Variants in ARRB1 observed in about 807,000 individuals in gnomAD.
ARRB1 encodes the protein arrestin beta 1.
In ARRB1, 21 loss-of-function variants were observed where a neutral mutation model predicts 56.8. That is an observed-to-expected ratio of 0.37 (90% confidence interval 0.26 to 0.53). The LOEUF (loss-of-function observed/expected upper bound fraction) is 0.53. ARRB1 is among the 20% of genes least tolerant of loss of function. ARRB1 has a pLI of 0.88. For missense variants in ARRB1, 424 were observed against 553.7 expected (o/e 0.77, Z 2.35); for synonymous variants, 210 against 218.6 (o/e 0.96, Z 0.35).
intron 1 of ARRB1, among the ~76,000 whole-genome samples, chr11:75,347,753 C>T (rs931092155): frequency 2.6e-5 from 4 of 152,186 alleles, no homozygotes; most frequent in African/African-American, 9.6e-5. Context: ...ACAACAATGA[C>T]TACACTACTA....
In ARRB1 at chr11:75,266,161, G is replaced by A. The variant is rs370152216; in HGVS notation, c.*2C>T. The A allele has an allele frequency of 3.7e-5, 59 of 1,613,346 alleles. No homozygotes were observed. Among genetic ancestry groups the A allele is most frequent in the Middle Eastern group, 1.7e-4 (1 of 6,052 alleles). ...AGCCACGTGGAGGCAGGGCCGGCCC[G>A]TCTATCTGTTGTTGAGCTGTGGAGA... On this transcript the variant is annotated 3_prime_UTR_variant, in exon 16 of 16. Transcript: ENST00000420843.
At position 75,275,840 on chromosome 11, in the gene ARRB1, C is replaced by T. The variant is rs531571832; in HGVS notation, c.776+999G>A. 6.6e-5 allele frequency among the ~76,000 whole-genome samples: 10 copies of T among 152,344 alleles called. No homozygotes were observed. The South Asian group carries it at 2.1e-3, about 32-fold the overall frequency. ...TGAGTGCAAATGCCTCCCCAGCCAT[C>T]CCTGCTGGTATTCGTTATGCAGACG... On this transcript the variant is annotated intron_variant, in intron 10 of 15. Transcript: ENST00000420843.
intron 1 of ARRB1, among the ~76,000 whole-genome samples, chr11:75,324,480 A>G (rs749645543): frequency 3.9e-5 from 6 of 152,166 alleles, no homozygotes; most frequent in Non-Finnish European, 8.8e-5. Context: ...GGTTCAGAAC[A>G]GGGCCTGGCA....
chr11:75,274,423 A>T (rs1946146530), intron 10 of ARRB1: 1 of 572,196 alleles, frequency 1.7e-6, no homozygotes, highest in Non-Finnish European at 3.1e-6. Flanking sequence ...CTACGCACAA[A>T]CAGGACTGAA....
In ARRB1 at chr11:75,298,295, T is replaced by TTATC. The variant is rs1203092910; in HGVS notation, c.21-8260_21-8257dup. On this transcript the variant is annotated intron_variant, in intron 1 of 15. Coordinates refer to ENST00000420843, the MANE Select transcript of ARRB1 (RefSeq NM_004041.5). ...AATGGAGCAAATATTTTCAAATCAT[T>TTATC]TATCTGATCAGGTCCTAATAGCCAG... 2.0e-5 allele frequency among the ~76,000 whole-genome samples: 3 copies of TTATC among 151,806 alleles called. No individual in the cohort carries two copies. In the East Asian group the frequency reaches 5.8e-4, roughly 29 times the overall value.
At position 75,278,695 on chromosome 11, in the gene ARRB1, G is replaced by T; in HGVS notation, c.532C>A (p.Pro178Thr). 3 of 1,614,118 alleles carry T rather than the reference G, an allele frequency of 1.9e-6. No homozygotes were observed. The highest frequency in any genetic ancestry group is 2.5e-6 in the Non-Finnish European group (3 of 1,179,964). Residue 178 changes from proline (P) to threonine (T), a missense_variant, in exon 8 of 16, where the codon CCT becomes ACT. By Grantham distance (38) the Pro-to-Thr change is conservative. Coordinates refer to ENST00000420843, the MANE Select transcript of ARRB1 (RefSeq NM_004041.5). ...GTCTCGGCTGTGGGCTGGGGGCCAG[G>T]CCTCTCTGGGGCATACTGAACCTTC... ...IRKVQYAPER[P>T]GPQPTAETTR...
chr11:75,331,444 C>T (rs1947517624), intron 1 of ARRB1, among the ~76,000 whole-genome samples: 1 of 152,156 alleles, frequency 6.6e-6, no homozygotes, highest in Non-Finnish European at 1.5e-5. Context: ...GTGACCTGCA[C>T]GTATACATCC....
At chr11:75,326,719 ACT>A (rs1482165239) in intron 1 of ARRB1, among the ~76,000 whole-genome samples, 1 of 129,798 alleles carries the variant, frequency 7.7e-6, no homozygotes, top group African/African-American at 3.1e-5. Flanking sequence ...TTTTAAAATT[ACT>A]GTCTTTTTTT....
intron 1 of ARRB1, among the ~76,000 whole-genome samples, chr11:75,302,073 C>T (rs1038060272): frequency 6.6e-6 from 1 of 152,212 alleles, no homozygotes; most frequent in Non-Finnish European, 1.5e-5. Flanking sequence ...CAGAGTCAGA[C>T]TGGGATGGGG....
rs186835182 is a variant in ARRB1, at chr11:75,302,913, A to C, written c.21-12874T>G. On this transcript the variant is annotated intron_variant, in intron 1 of 15. Transcript: ENST00000420843. ...AGATGGTCATGTTACTCCTGCTGGG[A>C]CAGGGAAATGTTTAAACTGTCTGTC... is the stretch of plus-strand genomic sequence containing the variant. 5.5e-3 allele frequency among the ~76,000 whole-genome samples: 844 copies of C among 152,106 alleles called. 8 individuals carry two copies. The highest frequency in any genetic ancestry group is 0.019 in the African/African-American group (808 of 41,480).
In ARRB1 at chr11:75,272,449, C is replaced by A. The variant is rs116099324; in HGVS notation, c.998+446G>T. Among the ~76,000 whole-genome samples, 1,367 of 152,280 alleles carry A rather than the reference C, an allele frequency of 9.0e-3. 20 individuals carry two copies. Among genetic ancestry groups the A allele is most frequent in the African/African-American group, 0.029 (1,194 of 41,540 alleles). On this transcript the variant is annotated intron_variant, in intron 12 of 15. Transcript: ENST00000420843. ...TCTGTAAAATGGGAAAGCTGACTAG[C>A]AAATCCCCAATCCAGCTCTGGGTTC...
In ARRB1 at chr11:75,286,255, C is replaced by CTT. The variant is rs60988072; in HGVS notation, c.112+1058_112+1059dup. Among the ~76,000 whole-genome samples, 266 of 38,734 alleles carry CTT rather than the reference C, an allele frequency of 6.9e-3. 38 individuals are homozygous for CTT. The highest frequency in any genetic ancestry group is 0.027 in the African/African-American group (247 of 9,280). The allele number at this position is 38,734 out of a possible 152,430, so 25.4% of individuals were successfully genotyped here. A position where few individuals can be genotyped will look rare whatever the true frequency, so the allele number is the denominator to read the frequency against. Reference sequence around the variant, plus strand: ...CTAGGCCTCACTTTGATTTGCTCATCTTTTTTTTTTTTTTTTTTTTTTTTT... The same window carrying CTT: ...CTAGGCCTCACTTTGATTTGCTCATCTTTTTTTTTTTTTTTTTTTTTTTTTTT... On this transcript the variant is annotated intron_variant, in intron 3 of 15. Coordinates refer to ENST00000420843, the MANE Select transcript of ARRB1 (RefSeq NM_004041.5).
At chr11:75,297,878 A>AG (rs1220036001) in intron 1 of ARRB1, among the ~76,000 whole-genome samples, 1 of 149,130 alleles carries the variant, frequency 6.7e-6, no homozygotes, top group Non-Finnish European at 1.5e-5. Flanking sequence ...AAAAAAAAAA[A>AG]AAAAAAAAAA....
At chr11:75,314,859 G>A (rs536886931) in intron 1 of ARRB1, among the ~76,000 whole-genome samples, 30 of 152,160 alleles carry the variant, frequency 2.0e-4, no homozygotes, top group African/African-American at 6.7e-4. Context: ...CACCCGCCTC[G>A]GCCTCCCAAA....
At chr11:75,324,918 C>T (rs1448414527) in intron 1 of ARRB1, among the ~76,000 whole-genome samples, 1 of 151,942 alleles carries the variant, frequency 6.6e-6, no homozygotes, top group Non-Finnish European at 1.5e-5. Flanking sequence ...GGAGGGAAGC[C>T]AGCACATGGG....
chr11:75,273,325 G>A (rs1017111171), intron 11 of ARRB1, among the ~76,000 whole-genome samples: 1 of 146,760 alleles, frequency 6.8e-6, no homozygotes, highest in Non-Finnish European at 1.5e-5. Flanking sequence ...GGGCCACACG[G>A]GGAGTTCACA....
Position 75,264,772 on chromosome 11 carries a change from G to C in ARRB1, c.*1391C>G, listed in dbSNP as rs774464806. The C allele has an allele frequency of 1.3e-5, 2 of 152,276 alleles. No individual in the cohort carries two copies. The highest frequency in any genetic ancestry group is 2.9e-5 in the Non-Finnish European group (2 of 68,088). The allele number at this position is 152,276 out of a possible 1,614,324, so 9.4% of individuals were successfully genotyped here. ...GGTCAAACTCCTTGCTTTCCCAAGTGAGAAACTGAGGCCCAGAGTGGGGAA... is the reference window on the plus strand; with the variant it reads ...GGTCAAACTCCTTGCTTTCCCAAGTCAGAAACTGAGGCCCAGAGTGGGGAA... On this transcript the variant is annotated 3_prime_UTR_variant, in exon 16 of 16. Transcript: ENST00000420843.
intron 1 of ARRB1, among the ~76,000 whole-genome samples, chr11:75,325,845 T>C (rs553006646): frequency 2.0e-5 from 3 of 152,194 alleles, no homozygotes; most frequent in Admixed American, 6.5e-5. Context: ...ACCTCTGAGA[T>C]CCCTTCTGGA....
intron 15 of ARRB1, 43 bp from the exon 16 acceptor site, chr11:75,266,317 A>AG (rs752952560): frequency 1.3e-6 from 2 of 1,530,066 alleles, no homozygotes; most frequent in South Asian, 2.2e-5. Context: ...TTGCAGGGGC[A>AG]GGGAGAGTAG....
Sources: gnomAD v4.1 joint callset for allele counts (sites outside exome capture counted in the v4.1 genomes callset) on GRCh38, gnomAD v4.1.1 for gene constraint, MANE v1.5 for transcripts, NCBI Gene and HGNC (gene_info 2026-07-23, HGNC 2026-07-21) for gene names.